The following CXADR variants were observed in gnomAD, a reference collection of about 807,000 sequenced individuals.
The protein encoded by CXADR is CXADR cell adhesion molecule.
CXADR carries 20 observed loss-of-function variants against 40.3 expected under a neutral mutation model. The ratio of observed to expected loss-of-function variants is 0.50; its 90% confidence interval spans 0.35 to 0.72. The LOEUF (loss-of-function observed/expected upper bound fraction) is 0.72, where lower values mean the gene tolerates loss of function less well. Among genes scored for constraint, CXADR ranks in the 30% least tolerant of loss-of-function variants. CXADR has a pLI of 0.01. For missense variants in CXADR, 332 were observed against 449.1 expected (o/e 0.74, Z 2.36); for synonymous variants, 150 against 161.3 (o/e 0.93, Z 0.53).
At chr21:17,545,787 T>G (rs2060889734) in intron 1 of CXADR, among the ~76,000 whole-genome samples, 2 of 151,500 alleles carry the variant, frequency 1.3e-5, no homozygotes, top group African/African-American at 4.8e-5. Context: ...TTTTGTTTTT[T>G]TTTTTTTTTG....
chr21:17,577,612 CTTTTTTTTTTTTTTTT>C (rs532541050), intron 7 of CXADR, among the ~76,000 whole-genome samples: 1 of 36,562 alleles, frequency 2.7e-5, no homozygotes, highest in African/African-American at 8.4e-5. Context: ...ATTCTGCAAG[CTTTTTTTTTTTTTTTT>C]TTTTTTTTTT....
downstream of CXADR, among the ~76,000 whole-genome samples, chr21:17,574,732 C>T (rs1036539441): frequency 2.6e-5 from 4 of 151,988 alleles, no homozygotes; most frequent in African/African-American, 4.8e-5. Context: ...GTGATCAGAG[C>T]GCTAATTCTT....
At chr21:17,526,694 T>C (rs1301567183) in intron 1 of CXADR, among the ~76,000 whole-genome samples, 1 of 152,218 alleles carries the variant, frequency 6.6e-6, no homozygotes, top group East Asian at 1.9e-4. Context: ...TAACTTTTTC[T>C]TCATTAACTT....
At chr21:17,589,577 A>G (rs1033753935) in intron 7 of CXADR, among the ~76,000 whole-genome samples, 1 of 101,684 alleles carries the variant, frequency 9.8e-6, no homozygotes, top group Non-Finnish European at 1.8e-5. Flanking sequence ...CATTCTAGGC[A>G]TACCATTTTT....
chr21:17,518,910 A>G, intron 1 of CXADR: 1 of 1,586,546 alleles, frequency 6.3e-7, no homozygotes, highest in Non-Finnish European at 8.7e-7. Flanking sequence ...TGGCTGTTTT[A>G]TGTACCACCT....
At chr21:17,600,365 AAG>A in the CXADR span, among the ~76,000 whole-genome samples, 1 of 152,234 alleles carries the variant, frequency 6.6e-6, no homozygotes, top group Non-Finnish European at 1.5e-5. Flanking sequence ...AGTTTGAAAA[AAG>A]ATAAAAATAA....
At chr21:17,519,435 T>G (rs954273947) in intron 1 of CXADR, among the ~76,000 whole-genome samples, 5 of 152,256 alleles carry the variant, frequency 3.3e-5, no homozygotes, top group Non-Finnish European at 7.3e-5. Flanking sequence ...CCACTAGTCA[T>G]GTCTGAGTCA....
chr21:17,612,176 A>T, the CXADR span: 1 of 152,330 alleles, frequency 6.6e-6, no homozygotes, highest in Non-Finnish European at 1.5e-5. Context: ...GTTTTCCCCA[A>T]GTTCAAGGGG....
downstream of CXADR, chr21:17,570,114 G>A (rs2061265135): frequency 3.0e-6 from 3 of 985,360 alleles, no homozygotes; most frequent in Non-Finnish European, 3.6e-6. Flanking sequence ...CTGCCTCATG[G>A]TGTGGCTTTA....
downstream of CXADR, among the ~76,000 whole-genome samples, chr21:17,598,035 A>C (rs2061525704): frequency 6.6e-6 from 1 of 152,192 alleles, no homozygotes; most frequent in South Asian, 2.1e-4. Context: ...CCTGTTGAAG[A>C]ATGCTGTTTG....
At chr21:17,573,591 G>A (rs2061296870), downstream of CXADR, among the ~76,000 whole-genome samples, 1 of 152,108 alleles carries the variant, frequency 6.6e-6, no homozygotes, top group Admixed American at 6.5e-5. Flanking sequence ...CTTCACATCT[G>A]CTTGTCAAGT....
chr21:17,552,275 A>G (rs2060978475), intron 3 of CXADR, among the ~76,000 whole-genome samples: 1 of 152,204 alleles, frequency 6.6e-6, no homozygotes, highest in Non-Finnish European at 1.5e-5. Context: ...ATTTGCCCTG[A>G]GAATTATGTA....
intron 1 of CXADR, among the ~76,000 whole-genome samples, chr21:17,529,325 C>T (rs2060640535): frequency 6.6e-6 from 1 of 151,604 alleles, no homozygotes; most frequent in African/African-American, 2.4e-5. Context: ...GCCACTGCAC[C>T]TGGCTTTTTT....
intron 7 of CXADR, among the ~76,000 whole-genome samples, chr21:17,589,878 G>C (rs1037003070): frequency 6.6e-6 from 1 of 151,944 alleles, no homozygotes; most frequent in South Asian, 2.1e-4. Context: ...CACTGTAAGA[G>C]ACTGCTTCCC....
At chr21:17,617,020 A>G in the CXADR span, among the ~76,000 whole-genome samples, 2 of 152,218 alleles carry the variant, frequency 1.3e-5, no homozygotes, top group African/African-American at 4.8e-5. Context: ...GGCAATGGAA[A>G]CTGGGCACAC....
intron 1 of CXADR, among the ~76,000 whole-genome samples, chr21:17,516,628 G>A (rs1406300158): frequency 2.0e-5 from 3 of 152,202 alleles, no homozygotes; most frequent in African/African-American, 7.2e-5. Flanking sequence ...TGGTGGCCAA[G>A]CCTCACTGTG....
intron 7 of CXADR, among the ~76,000 whole-genome samples, chr21:17,578,163 G>A (rs2061335195): frequency 6.6e-6 from 1 of 152,132 alleles, no homozygotes; most frequent in Admixed American, 6.5e-5. Context: ...CTGGATCATA[G>A]GGTAGTTCTA....
intron 7 of CXADR, among the ~76,000 whole-genome samples, chr21:17,592,322 G>A (rs186372069): frequency 2.6e-5 from 4 of 151,900 alleles, no homozygotes; most frequent in African/African-American, 7.2e-5. Flanking sequence ...AAATGGCTTC[G>A]TATTTGCATA....
intron 7 of CXADR, among the ~76,000 whole-genome samples, chr21:17,583,385 C>CTGTTT (rs1314488060): frequency 6.6e-6 from 1 of 152,150 alleles, no homozygotes; most frequent in African/African-American, 2.4e-5. Context: ...CGTCCATAGG[C>CTGTTT]TGTTTTAAAT....
Sources: allele counts gnomAD v4.1 joint callset (sites outside exome capture counted in the v4.1 genomes callset), GRCh38; gene constraint gnomAD v4.1.1; transcripts MANE v1.5; gene names NCBI Gene and HGNC (gene_info 2026-07-23, HGNC 2026-07-21).